Variants in FAM78B observed in about 807,000 individuals in gnomAD.
FAM78B encodes the protein protein FAM78B.
In FAM78B, 10 loss-of-function variants were observed where a neutral mutation model predicts 20.0. The observed-to-expected ratio is 0.50, with a 90% CI of 0.31 to 0.85. FAM78B has a LOEUF of 0.85. Among genes scored for constraint, FAM78B ranks in the 40% least tolerant of loss-of-function variants. The pLI is 0.05. For missense variants in FAM78B, 283 were observed against 345.0 expected (o/e 0.82, Z 1.42); for synonymous variants, 135 against 132.8 (o/e 1.02, Z -0.12).
intron 1 of FAM78B, among the ~76,000 whole-genome samples, chr1:166,080,624 G>T (rs1487676878): frequency 6.6e-6 from 1 of 152,218 alleles, no homozygotes; most frequent in Non-Finnish European, 1.5e-5. Flanking sequence ...TCATCTTCAT[G>T]GCTGGAACCT....
At chr1:166,113,096 G>C (rs1297463371) in intron 1 of FAM78B, among the ~76,000 whole-genome samples, 1 of 149,748 alleles carries the variant, frequency 6.7e-6, no homozygotes, top group African/African-American at 2.5e-5. Flanking sequence ...TCAGTCGAAA[G>C]ATGCTCAATG....
intron 1 of FAM78B, among the ~76,000 whole-genome samples, chr1:166,084,237 A>ACACACACACACACACTCT (rs771421402): frequency 3.2e-5 from 4 of 125,416 alleles, no homozygotes; most frequent in African/African-American, 1.2e-4. Context: ...ACACACACAC[A>ACACACACACACACACTCT]CTCTCTCTCT....
intron 1 of FAM78B, among the ~76,000 whole-genome samples, chr1:166,106,911 A>G (rs1177302663): frequency 1.3e-5 from 2 of 152,144 alleles, no homozygotes; most frequent in African/African-American, 4.8e-5. Context: ...TTTCATCAAT[A>G]AAAACATATA....
rs192206568 is a variant in FAM78B, at chr1:166,091,317, T to C, written c.264-20554A>G. Reference sequence around the variant, plus strand: ...CCACCCAAATCTCATCTTGATTTCCTACATATTGGGGGAGGGACTCAGTGG... The same window carrying C: ...CCACCCAAATCTCATCTTGATTTCCCACATATTGGGGGAGGGACTCAGTGG... On this transcript the variant is annotated intron_variant, in intron 1 of 1. Coordinates refer to ENST00000354422, the MANE Select transcript of FAM78B (RefSeq NM_001017961.5). 2.4e-4 allele frequency among the ~76,000 whole-genome samples: 36 copies of C among 152,176 alleles called. No homozygotes were observed. In the East Asian group the frequency reaches 5.8e-3, roughly 25 times the overall value.
intron 1 of FAM78B, among the ~76,000 whole-genome samples, chr1:166,084,235 ACACT>A (rs1211406694): frequency 1.3e-4 from 16 of 120,056 alleles, no homozygotes; most frequent in African/African-American, 4.6e-4. Context: ...ACACACACAC[ACACT>A]CTCTCTCTCT....
rs567571981 is a variant in FAM78B at position 166,153,854 on chromosome 1, C to T, written c.263+12132G>A. Among the ~76,000 whole-genome samples the T allele has an allele frequency of 5.9e-5, 9 of 152,276 alleles. No individual in the cohort carries two copies. The South Asian group carries it at 1.7e-3, about 28-fold the overall frequency. On this transcript the variant is annotated intron_variant, in intron 1 of 1. Coordinates refer to ENST00000354422, the MANE Select transcript of FAM78B (RefSeq NM_001017961.5). ...TCCTCCCTCTATACCCCCCTTAGAT[C>T]CCAACAAGGGCAAAGCAAAATGGGG...
At chr1:166,158,474 C>T (rs533304913) in intron 1 of FAM78B, among the ~76,000 whole-genome samples, 1 of 152,346 alleles carries the variant, frequency 6.6e-6, no homozygotes, top group Admixed American at 6.5e-5. Context: ...AGGATAACTT[C>T]CCTCACTGGG....
At chr1:166,063,660 C>T (rs192317297) in intron 2 of FAM78B, among the ~76,000 whole-genome samples, 50 of 152,330 alleles carry the variant, frequency 3.3e-4, no homozygotes, top group African/African-American at 1.0e-3. Flanking sequence ...TATATTTCCT[C>T]TCTGTTCCTA....
intron 1 of FAM78B, among the ~76,000 whole-genome samples, chr1:166,092,667 C>T (rs1410326775): frequency 6.6e-6 from 1 of 152,198 alleles, no homozygotes; most frequent in African/African-American, 2.4e-5. Context: ...ACCCCTGTGA[C>T]CCGAGGGCGT....
At chr1:166,110,036 G>T (rs1457732046) in intron 1 of FAM78B, among the ~76,000 whole-genome samples, 1 of 149,358 alleles carries the variant, frequency 6.7e-6, no homozygotes, top group Admixed American at 6.7e-5. Context: ...ACCAAACATC[G>T]TATGTTCTCA....
intron 1 of FAM78B, among the ~76,000 whole-genome samples, chr1:166,130,737 G>A (rs1487814182): frequency 2.0e-5 from 3 of 152,172 alleles, no homozygotes; most frequent in South Asian, 2.1e-4. Context: ...AACAAGTGAG[G>A]TGGATTGCCC....
At chr1:166,115,083 G>T (rs888515811) in intron 1 of FAM78B, among the ~76,000 whole-genome samples, 3 of 152,204 alleles carry the variant, frequency 2.0e-5, no homozygotes, top group African/African-American at 4.8e-5. Flanking sequence ...GCCTGAACAT[G>T]AAACAGCATG....
intron 1 of FAM78B, among the ~76,000 whole-genome samples, chr1:166,124,363 A>G (rs145553642): frequency 7.4e-4 from 113 of 152,290 alleles, no homozygotes; most frequent in African/African-American, 2.6e-3. Flanking sequence ...AACACTAAAC[A>G]ATGATGATAA....
chr1:166,075,146 G>T (rs761536923), intron 1 of FAM78B, among the ~76,000 whole-genome samples: 1 of 152,162 alleles, frequency 6.6e-6, no homozygotes, highest in Non-Finnish European at 1.5e-5. Context: ...TGAGACTTTT[G>T]CTCAGGAGAG....
chr1:166,056,627 C>T (rs551300103), downstream of FAM78B, among the ~76,000 whole-genome samples: 2 of 152,244 alleles, frequency 1.3e-5, no homozygotes, highest in East Asian at 3.9e-4. Context: ...TTTAAGATGA[C>T]CTGTTTTGAT....
chr1:166,060,749 T>G (rs1651561562), intron 2 of FAM78B: 6 of 783,550 alleles, frequency 7.7e-6, no homozygotes, highest in Non-Finnish European at 1.1e-5. Flanking sequence ...CAGATGGTCA[T>G]GATCTGGGCT....
At chr1:166,075,911 G>C (rs1176045946) in intron 1 of FAM78B, among the ~76,000 whole-genome samples, 1 of 152,144 alleles carries the variant, frequency 6.6e-6, no homozygotes, top group Non-Finnish European at 1.5e-5. Flanking sequence ...CAAAAACTTT[G>C]GAGTCACTCT....
intron 1 of FAM78B, among the ~76,000 whole-genome samples, chr1:166,098,979 T>C (rs1298086677): frequency 6.6e-6 from 1 of 152,148 alleles, no homozygotes; most frequent in Non-Finnish European, 1.5e-5. Flanking sequence ...GGAAAGAATC[T>C]TAAGAGCTGT....
At chr1:166,107,010 A>T (rs546366407) in intron 1 of FAM78B, among the ~76,000 whole-genome samples, 1 of 152,304 alleles carries the variant, frequency 6.6e-6, no homozygotes, top group Admixed American at 6.5e-5. Flanking sequence ...CGGTGCTAAG[A>T]GGAAAGTTCC....
Sources: gnomAD v4.1 joint callset for allele counts (sites outside exome capture counted in the v4.1 genomes callset) on GRCh38, gnomAD v4.1.1 for gene constraint, MANE v1.5 for transcripts, NCBI Gene and HGNC (gene_info 2026-07-23, HGNC 2026-07-21) for gene names.